Variants in STIM1 observed in about 807,000 individuals in gnomAD.
STIM1 encodes the protein stromal interaction molecule 1.
Under a neutral mutation model 74.7 loss-of-function variants are expected in STIM1, and 25 were observed. The ratio of observed to expected loss-of-function variants is 0.33; its 90% CI spans 0.24 to 0.47. The LOEUF (loss-of-function observed/expected upper bound fraction) is 0.47, where lower values mean the gene tolerates loss of function less well. Among genes scored for constraint, STIM1 ranks in the 20% least tolerant of loss-of-function variants. STIM1 has a pLI of 1.00. For missense variants in STIM1, 728 were observed against 920.8 expected, an observed-to-expected ratio of 0.79 and a Z score of 2.71; for synonymous variants, 328 against 348.8, an observed-to-expected ratio of 0.94 and a Z score of 0.66.
At chr11:3,941,673 T>TAGGAG (rs1554959604) in intron 1 of STIM1, among the ~76,000 whole-genome samples, 1 of 90,730 alleles carries the variant, frequency 1.1e-5, no homozygotes, top group Admixed American at 1.4e-4. Flanking sequence ...TATATATATA[T>TAGGAG]AGAGAGAGAG....
intron 1 of STIM1, among the ~76,000 whole-genome samples, chr11:3,866,025 T>C (rs576944691): frequency 6.6e-6 from 1 of 152,308 alleles, no homozygotes; most frequent in African/African-American, 2.4e-5. Context: ...CTGGGGAGCA[T>C]GGAATAGAGA....
At chr11:3,976,085 T>A (rs1475169542) in intron 2 of STIM1, among the ~76,000 whole-genome samples, 1 of 152,206 alleles carries the variant, frequency 6.6e-6, no homozygotes, top group Non-Finnish European at 1.5e-5. Context: ...AACCCAAATG[T>A]CCTTCAATGT....
intron 2 of STIM1, among the ~76,000 whole-genome samples, chr11:3,980,338 G>A (rs758027830): frequency 6.6e-6 from 1 of 152,094 alleles, no homozygotes; most frequent in Non-Finnish European, 1.5e-5. Context: ...CCCACCATTT[G>A]GCTTTAGCTC....
intron 2 of STIM1, among the ~76,000 whole-genome samples, chr11:4,008,607 G>A (rs1590643696): frequency 6.6e-6 from 1 of 152,196 alleles, no homozygotes; most frequent in Non-Finnish European, 1.5e-5. Flanking sequence ...GGTTGAGAGT[G>A]TCCAGAGTTT....
At chr11:4,076,311 G>C (rs1338797592) in intron 7 of STIM1, among the ~76,000 whole-genome samples, 1 of 151,376 alleles carries the variant, frequency 6.6e-6, no homozygotes, top group Non-Finnish European at 1.5e-5. Flanking sequence ...CATGGCAAAA[G>C]CCCGTCTGTA....
intron 2 of STIM1, among the ~76,000 whole-genome samples, chr11:3,980,683 A>AAC (rs1217971514): frequency 3.8e-4 from 54 of 142,406 alleles, no homozygotes; most frequent in South Asian, 3.0e-3. Flanking sequence ...ACAACAACAA[A>AAC]AAAAAACAAA....
chr11:3,861,910 C>G (rs78564273), intron 1 of STIM1, among the ~76,000 whole-genome samples: 3 of 151,922 alleles, frequency 2.0e-5, no homozygotes, highest in African/African-American at 2.4e-5. Context: ...CCCAAGGGGC[C>G]CCTCTGGTTT....
At chr11:3,877,708 G>A (rs747595029) in intron 1 of STIM1, among the ~76,000 whole-genome samples, 2 of 152,266 alleles carry the variant, frequency 1.3e-5, no homozygotes, top group South Asian at 4.1e-4. Context: ...CAGGCCGAGG[G>A]CCTTGTTCTC....
chr11:3,895,205 AG>A (rs1197252308), intron 1 of STIM1, among the ~76,000 whole-genome samples: 2 of 152,136 alleles, frequency 1.3e-5, no homozygotes, highest in Non-Finnish European at 2.9e-5. Flanking sequence ...CAAACAGGGC[AG>A]GGGAGCAAGG....
chr11:4,028,685 C>T (rs1327109543), intron 3 of STIM1, among the ~76,000 whole-genome samples: 4 of 151,952 alleles, frequency 2.6e-5, no homozygotes, highest in Admixed American at 1.3e-4. Context: ...TCTAGGATTA[C>T]AGGCGTGAGC....
intron 1 of STIM1, among the ~76,000 whole-genome samples, chr11:3,948,246 G>A (rs1326955956): frequency 1.7e-4 from 26 of 151,960 alleles, no homozygotes; most frequent in Non-Finnish European, 4.4e-5. Context: ...ATAATTCTAG[G>A]TACCTATCTA....
intron 1 of STIM1, chr11:3,868,002 A>G (rs2090928512): frequency 6.6e-6 from 1 of 152,154 alleles, no homozygotes; most frequent in Admixed American, 6.5e-5. Flanking sequence ...ACTACAGTGT[A>G]TGTTCGAACA....
chr11:3,985,524 G>A (rs2093550362), intron 2 of STIM1, among the ~76,000 whole-genome samples: 1 of 152,172 alleles, frequency 6.6e-6, no homozygotes, highest in South Asian at 2.1e-4. Context: ...TAGGGACAAA[G>A]GGTTTGGCCT....
chr11:3,926,806 C>T (rs1389067510), intron 1 of STIM1, among the ~76,000 whole-genome samples: 1 of 152,140 alleles, frequency 6.6e-6, no homozygotes, highest in African/African-American at 2.4e-5. Context: ...CAATAGGTAA[C>T]CCACCAGAAC....
At chr11:4,000,052 A>G (rs1009081327) in intron 2 of STIM1, among the ~76,000 whole-genome samples, 1 of 152,014 alleles carries the variant, frequency 6.6e-6, no homozygotes, top group Non-Finnish European at 1.5e-5. Context: ...GCCATTGCCC[A>G]GGCTCGCTTA....
chr11:3,895,666 CTTTCTTTCCTTCCTTCCTTCT>C (rs2092066879), intron 1 of STIM1, among the ~76,000 whole-genome samples: 1 of 41,714 alleles, frequency 2.4e-5, no homozygotes, highest in African/African-American at 1.6e-4. Context: ...TTCTTTCTTT[CTTTCTTTCCTTCCTTCCTTCT>C]TTCTTTCTTT....
chr11:3,948,996 C>T (rs777627039), intron 1 of STIM1, among the ~76,000 whole-genome samples: 22 of 152,156 alleles, frequency 1.4e-4, no homozygotes, highest in Non-Finnish European at 2.8e-4. Flanking sequence ...ATTTGAAGTA[C>T]TTTATATGTA....
chr11:4,059,133 C>A, intron 4 of STIM1, 148 bp from the exon 5 acceptor site: 1 of 809,048 alleles, frequency 1.2e-6, no homozygotes, highest in Admixed American at 2.1e-5. Context: ...CCTGTTGAGA[C>A]CCAACTGGTA....
intron 1 of STIM1, chr11:3,892,716 G>A: frequency 6.2e-7 from 1 of 1,613,042 alleles, no homozygotes; most frequent in Non-Finnish European, 8.5e-7. Context: ...ATAAACCCTG[G>A]AATAATTCTG....
Sources: gnomAD v4.1 joint callset for allele counts (sites outside exome capture counted in the v4.1 genomes callset) on GRCh38, gnomAD v4.1.1 for gene constraint, MANE v1.5 for transcripts, NCBI Gene and HGNC (gene_info 2026-07-23, HGNC 2026-07-21) for gene names.